DCTN4: variants seen among roughly 807,000 people sequenced by gnomAD.
DCTN4 encodes dynactin subunit 4, also known as dynactin 4 (p62).
Under a neutral mutation model 62.7 loss-of-function variants are expected in DCTN4, and 23 were observed. The observed-to-expected ratio is 0.37, with a 90% CI of 0.26 to 0.52. DCTN4 has a LOEUF of 0.52. Ranked by LOEUF, DCTN4 falls within the 20% of genes least tolerant of loss-of-function variation. DCTN4 has a pLI of 0.92. For synonymous variants in DCTN4, 199 were observed against 202.1 expected (o/e 0.98, Z 0.13); for missense variants, 514 against 580.4 (o/e 0.89, Z 1.18).
chr5:150,758,230 A>C, intron 1 of DCTN4: 4 of 985,544 alleles, frequency 4.1e-6, no homozygotes, highest in Non-Finnish European at 4.8e-6. Context: ...TGAAAAATCC[A>C]ACTTCGGACG....
intron 8 of DCTN4, among the ~76,000 whole-genome samples, chr5:150,728,612 G>C (rs1561695833): frequency 6.6e-6 from 1 of 151,948 alleles, no homozygotes; most frequent in Non-Finnish European, 1.5e-5. Context: ...TATCTTCTTT[G>C]TAAATTGAAT....
At chr5:150,750,096 G>A (rs547280931) in intron 3 of DCTN4, among the ~76,000 whole-genome samples, 33 of 152,282 alleles carry the variant, frequency 2.2e-4, no homozygotes, top group Non-Finnish European at 3.8e-4. Context: ...TGACTGCAAT[G>A]GGGCATGAGG....
At position 150,722,988 on chromosome 5, in the gene DCTN4, G is replaced by T. The variant is rs928191752; in HGVS notation, c.835-8C>A. ...CAAATTATGTTCACATTTCTAAAAA[G>T]AAAACAAATATAACACGTATCAGAA... is the stretch of plus-strand genomic sequence containing the variant. On this transcript the variant is annotated splice_polypyrimidine_tract_variant and splice_region_variant and intron_variant, in intron 8 of 12. Coordinates refer to ENST00000447998, the MANE Select transcript of DCTN4 (RefSeq NM_016221.4). 8 of 1,595,130 alleles carry T rather than the reference G, an allele frequency of 5.0e-6. No individual in the cohort carries two copies. The Admixed American group carries it at 1.3e-4, about 27-fold the overall frequency.
chr5:150,729,041 G>GTTT (rs1561696053), intron 8 of DCTN4, among the ~76,000 whole-genome samples: 2 of 79,152 alleles, frequency 2.5e-5, no homozygotes, highest in African/African-American at 9.4e-5. Context: ...CACCACACTG[G>GTTT]CTTTTTTTTT....
At chr5:150,727,692 C>T (rs914205303) in intron 8 of DCTN4, among the ~76,000 whole-genome samples, 79 of 141,390 alleles carry the variant, frequency 5.6e-4, no homozygotes, top group Admixed American at 1.0e-3. Flanking sequence ...AGGAGAATGG[C>T]GTGAACCCGG....
Position 150,759,012 on chromosome 5 carries a change from G to C in DCTN4, c.-19C>G. The C allele has an allele frequency of 6.2e-7, 1 of 1,611,878 alleles. No homozygotes were observed. Among genetic ancestry groups the C allele is most frequent in the Non-Finnish European group, 8.5e-7 (1 of 1,178,336 alleles). Reference sequence around the variant, plus strand: ...ACGCCATCTTGGGGAGGGAGGAGGCGATGACGCTCCCGGCGCATCACGTGA... The same window carrying C: ...ACGCCATCTTGGGGAGGGAGGAGGCCATGACGCTCCCGGCGCATCACGTGA... On this transcript the variant is annotated 5_prime_UTR_variant, in exon 1 of 13. In the 5' UTR this introduces an upstream ATG that the reference lacks. Coordinates refer to ENST00000447998, the MANE Select transcript of DCTN4 (RefSeq NM_016221.4).
chr5:150,754,530 AG>A (rs1430434017), intron 2 of DCTN4, among the ~76,000 whole-genome samples: 1 of 152,248 alleles, frequency 6.6e-6, no homozygotes, highest in African/African-American at 2.4e-5. Flanking sequence ...TAACAGCAAA[AG>A]GACTTTCACT....
chr5:150,753,735 G>A (rs568495281), intron 2 of DCTN4, 78 bp from the exon 3 acceptor site: 94 of 1,424,742 alleles, frequency 6.6e-5, no homozygotes, highest in Admixed American at 2.1e-4. Flanking sequence ...ATAAGGACAA[G>A]TGTCTCTCAA....
intron 8 of DCTN4, among the ~76,000 whole-genome samples, chr5:150,727,584 G>A (rs1044541155): frequency 2.2e-4 from 33 of 151,664 alleles, no homozygotes; most frequent in Non-Finnish European, 2.5e-4. Context: ...AGACCATCCC[G>A]GCTAAAACGG....
At chr5:150,718,248 C>G (rs1457094907) in intron 11 of DCTN4, 28 bp downstream of exon 11, 1 of 1,515,146 alleles carries the variant, frequency 6.6e-7, no homozygotes, top group Admixed American at 1.7e-5. Flanking sequence ...AAGTGCGGGT[C>G]AGTCAGGCTG....
In DCTN4 at chr5:150,715,926, T is replaced by C. The variant is rs529037553; in HGVS notation, c.1072-264A>G. On this transcript the variant is annotated intron_variant, in intron 11 of 12. Coordinates refer to ENST00000447998, the MANE Select transcript of DCTN4 (RefSeq NM_016221.4). ...TATTTTATTATTTATTTTTTTGAGATGGAGTCTCACTCTGTCGCCCAGGCT... is the reference window on the plus strand; with the variant it reads ...TATTTTATTATTTATTTTTTTGAGACGGAGTCTCACTCTGTCGCCCAGGCT... Among the ~76,000 whole-genome samples the C allele has an allele frequency of 5.3e-5, 8 of 152,214 alleles. No individual in the cohort carries two copies. In the South Asian group the frequency reaches 8.3e-4, roughly 16 times the overall value.
chr5:150,731,537 C>G, intron 5 of DCTN4, 48 bp from the exon 6 acceptor site: 1 of 1,452,818 alleles, frequency 6.9e-7, no homozygotes, highest in African/African-American at 1.4e-5. Context: ...TTTTACACAC[C>G]CTATTTATCA....
intron 12 of DCTN4, among the ~76,000 whole-genome samples, chr5:150,712,739 CATTTGTGCATACA>C (rs1359058694): frequency 2.0e-5 from 3 of 152,198 alleles, no homozygotes; most frequent in African/African-American, 7.2e-5. Context: ...AATTTCCCCT[CATTTGTGCATACA>C]GTTTGTGCTT....
intron 3 of DCTN4, among the ~76,000 whole-genome samples, chr5:150,742,369 C>T (rs910373138): frequency 6.6e-6 from 1 of 152,110 alleles, no homozygotes; most frequent in Non-Finnish European, 1.5e-5. Flanking sequence ...AGCCACTGTG[C>T]CAGGCACTTG....
intron 11 of DCTN4, among the ~76,000 whole-genome samples, chr5:150,717,563 T>C (rs1759811362): frequency 6.6e-6 from 1 of 152,188 alleles, no homozygotes. Context: ...AGTGCTATGT[T>C]ATGTATACTC....
intron 9 of DCTN4, among the ~76,000 whole-genome samples, chr5:150,720,198 T>C (rs148503527): frequency 1.0e-3 from 158 of 152,382 alleles, no homozygotes; most frequent in African/African-American, 3.4e-3. Flanking sequence ...ATGTTCATTA[T>C]TGTGCATACA....
intron 1 of DCTN4, chr5:150,758,301 C>A: frequency 1.0e-6 from 1 of 985,704 alleles, no homozygotes; most frequent in Non-Finnish European, 1.2e-6. Flanking sequence ...CTTTCAGCTT[C>A]TTACATGACA....
intron 8 of DCTN4, 22 bp from the exon 9 acceptor site, chr5:150,723,002 C>T: frequency 3.9e-6 from 6 of 1,544,130 alleles, no homozygotes; most frequent in East Asian, 2.3e-5. Flanking sequence ...ACAAATATAA[C>T]ACGTATCAGA....
chr5:150,758,679 G>A, intron 1 of DCTN4, 180 bp downstream of exon 1: 1 of 1,294,652 alleles, frequency 7.7e-7, no homozygotes, highest in Non-Finnish European at 1.0e-6. Flanking sequence ...CCCACCCGAG[G>A]CTGCTCCTCC....
Sources: allele counts gnomAD v4.1 joint callset (sites outside exome capture counted in the v4.1 genomes callset), GRCh38; gene constraint gnomAD v4.1.1; transcripts MANE v1.5; gene names NCBI Gene and HGNC (gene_info 2026-07-23, HGNC 2026-07-21).